Variants in MEF2C observed in about 807,000 individuals in gnomAD.
MEF2C encodes the protein myocyte enhancer factor 2C, also known as myocyte-specific enhancer factor 2C.
In MEF2C, 6 loss-of-function variants were observed where a neutral mutation model predicts 50.5. That is an observed-to-expected ratio of 0.12 (90% CI 0.07 to 0.23). The LOEUF (loss-of-function observed/expected upper bound fraction) is 0.23, where lower values mean the gene tolerates loss of function less well. Ranked by LOEUF, MEF2C falls within the 10% of genes least tolerant of loss-of-function variation. The pLI, the probability that MEF2C is intolerant of heterozygous loss-of-function variation, is 1.00. For synonymous variants in MEF2C, 183 were observed against 228.0 expected, an observed-to-expected ratio of 0.80 and a Z score of 1.78; for missense variants, 276 against 605.0, an observed-to-expected ratio of 0.46 and a Z score of 5.70.
intron 1 of MEF2C, among the ~76,000 whole-genome samples, 199 bp downstream of exon 1, chr5:88,882,756 G>A (rs186700026): frequency 6.6e-6 from 1 of 152,250 alleles, no homozygotes; most frequent in East Asian, 1.9e-4. Context: ...AAACGGATAC[G>A]ACTATCTAAA....
intron 1 of MEF2C, among the ~76,000 whole-genome samples, chr5:88,865,801 G>GGA (rs1827104099): frequency 6.6e-6 from 1 of 152,168 alleles, no homozygotes; most frequent in South Asian, 2.1e-4. Flanking sequence ...CCGCCAGTGG[G>GGA]CATCGTAAGT....
intron 3 of MEF2C, among the ~76,000 whole-genome samples, chr5:88,794,707 G>A (rs987357627): frequency 2.0e-5 from 3 of 152,100 alleles, no homozygotes; most frequent in Non-Finnish European, 4.4e-5. Flanking sequence ...TAGTCATGAA[G>A]TCTTTGCCCA....
chr5:88,742,371 G>T, intron 6 of MEF2C: 1 of 984,598 alleles, frequency 1.0e-6, no homozygotes, highest in Non-Finnish European at 1.2e-6. Flanking sequence ...AATAAAACTA[G>T]TATTTCAGGG....
chr5:88,728,610 G>A lies in MEF2C; in HGVS notation c.983C>T (p.Ala328Val). Reference sequence around the variant, plus strand: ...AAACCCAGACAGAGATGACAGGTCTGCACTACTCAGAGAGTACTCTAGATT... The same window carrying A: ...AAACCCAGACAGAGATGACAGGTCTACACTACTCAGAGAGTACTCTAGATT... Reference protein sequence around the residue: ...TYGTEYSLSSADLSSLSGFNT... With the variant: ...TYGTEYSLSSVDLSSLSGFNT... The change falls in exon 10 of 11, where the codon GCA becomes GTA. Residue 328 changes from alanine (A) to valine (V), a missense_variant. By Grantham distance (64) the Ala-to-Val change is moderately conservative. Coordinates refer to ENST00000504921, the MANE Select transcript of MEF2C (RefSeq NM_002397.5). The A allele has an allele frequency of 6.6e-7, 1 of 1,505,894 alleles. No homozygotes were observed. Among genetic ancestry groups the A allele is most frequent in the South Asian group, 1.4e-5 (1 of 73,650 alleles). The allele number at this position is 1,505,894 out of a possible 1,614,324, so 93.3% of individuals were successfully genotyped here.
At chr5:88,871,972 T>C (rs1278523718) in intron 1 of MEF2C, among the ~76,000 whole-genome samples, 1 of 152,042 alleles carries the variant, frequency 6.6e-6, no homozygotes. Flanking sequence ...ATTTCATCTT[T>C]ATGGGAAAAT....
chr5:88,903,719 T>TA (rs979366701), intron 1 of MEF2C, among the ~76,000 whole-genome samples: 28 of 147,796 alleles, frequency 1.9e-4, no homozygotes, highest in South Asian at 4.3e-4. Context: ...GTTTTAAACC[T>TA]AAAAAAAAAA....
intron 6 of MEF2C, chr5:88,741,130 T>C: frequency 1.0e-6 from 1 of 985,416 alleles, no homozygotes. Flanking sequence ...CCCTTGAGGA[T>C]AGGAGCCCCG....
In MEF2C at chr5:88,736,357, G is replaced by T. The variant is rs1764077790; in HGVS notation, c.638-4456C>A. 2 of 66,348 alleles carry T rather than the reference G, an allele frequency of 3.0e-5. 1 individual carries two copies. The highest frequency in any genetic ancestry group is 1.2e-3 in the South Asian group (2 of 1,732). The allele number at this position is 66,348 out of a possible 1,614,324, so 4.1% of individuals were successfully genotyped here. A position where few individuals can be genotyped will look rare whatever the true frequency, so the allele number is the denominator to read the frequency against. On this transcript the variant is annotated intron_variant, in intron 6 of 10. Transcript: ENST00000504921. ...AAAATACAAAAAATTAGCCGGGCGC[G>T]GTGGCGGGCGCCTGTAGTCCCAGCT...
chr5:88,880,513 T>C (rs942254712), intron 1 of MEF2C, among the ~76,000 whole-genome samples: 2 of 152,104 alleles, frequency 1.3e-5, no homozygotes, highest in African/African-American at 4.8e-5. Flanking sequence ...TATACTACAA[T>C]AAACAGAAGA....
At chr5:88,759,208 C>T (rs185122576) in intron 4 of MEF2C, among the ~76,000 whole-genome samples, 9 of 152,074 alleles carry the variant, frequency 5.9e-5, no homozygotes, top group Non-Finnish European at 1.2e-4. Context: ...AATGGCGTGG[C>T]GCAGTGGCTC....
At chr5:88,890,608 A>G (rs1430682534) in intron 1 of MEF2C, among the ~76,000 whole-genome samples, 1 of 152,238 alleles carries the variant, frequency 6.6e-6, no homozygotes, top group African/African-American at 2.4e-5. Context: ...CCATCACTGC[A>G]TAAAGTTCTG....
intron 3 of MEF2C, among the ~76,000 whole-genome samples, chr5:88,763,929 G>A (rs994919505): frequency 2.0e-5 from 3 of 152,130 alleles, no homozygotes; most frequent in African/African-American, 7.2e-5. Flanking sequence ...TGGGATTACA[G>A]GCATGAGCCA....
chr5:88,773,356 C>T (rs1783258291), intron 3 of MEF2C, among the ~76,000 whole-genome samples: 1 of 152,176 alleles, frequency 6.6e-6, no homozygotes, highest in Non-Finnish European at 1.5e-5. Context: ...CCCTTAGCAA[C>T]ATCTGCCCCT....
At chr5:88,745,606 T>TC (rs1325816812) in intron 6 of MEF2C, among the ~76,000 whole-genome samples, 2 of 151,922 alleles carry the variant, frequency 1.3e-5, no homozygotes, top group Non-Finnish European at 2.9e-5. Flanking sequence ...ATCCAGGAGT[T>TC]CAAGACCAGC....
At position 88,775,081 on chromosome 5, in the gene MEF2C, G is replaced by A. The variant is rs542218409; in HGVS notation, c.259-13753C>T. On this transcript the variant is annotated intron_variant, in intron 3 of 10. Transcript: ENST00000504921. ...ATGTAAATTTCAAGTTTGCTAATTA[G>A]AGGGCCTTTATTTGCTTACCTAACA... 3.9e-5 allele frequency among the ~76,000 whole-genome samples: 6 copies of A among 152,322 alleles called. No individual in the cohort carries two copies. The East Asian group carries it at 9.6e-4, about 24-fold the overall frequency.
At chr5:88,741,333 A>G (rs1247558963) in intron 6 of MEF2C, 3 of 983,760 alleles carry the variant, frequency 3.0e-6, no homozygotes, top group Non-Finnish European at 2.4e-6. Flanking sequence ...GACCCCTTGC[A>G]TCAGTTATCT....
chr5:88,875,499 C>T (rs560218892), intron 1 of MEF2C, among the ~76,000 whole-genome samples: 4 of 151,714 alleles, frequency 2.6e-5, no homozygotes, highest in East Asian at 1.9e-4. Context: ...TTTTTCTTTT[C>T]GAAACAAAAA....
chr5:88,768,556 G>A (rs1580372162), intron 3 of MEF2C: 1 of 289,924 alleles, frequency 3.4e-6, no homozygotes. Flanking sequence ...AGCTACTAGA[G>A]GTTAGGAATA....
chr5:88,861,964 A>G (rs185728332), intron 1 of MEF2C, among the ~76,000 whole-genome samples: 13 of 152,318 alleles, frequency 8.5e-5, no homozygotes, highest in Non-Finnish European at 1.6e-4. Flanking sequence ...TTTCACAACT[A>G]ATTTATTTCT....
Sources: allele counts gnomAD v4.1 joint callset (sites outside exome capture counted in the v4.1 genomes callset), GRCh38; gene constraint gnomAD v4.1.1; transcripts MANE v1.5; gene names NCBI Gene and HGNC (gene_info 2026-07-23, HGNC 2026-07-21).